Variants in CORO7 observed in about 807,000 individuals in gnomAD.
The protein encoded by CORO7 is coronin-7.
Under a neutral mutation model 126.6 loss-of-function variants are expected in CORO7, and 107 were observed. The observed-to-expected ratio is 0.85, with a 90% CI of 0.72 to 0.99. CORO7 has a LOEUF of 0.99. CORO7 is among the 50% of genes least tolerant of loss of function. The pLI, the probability that CORO7 is intolerant of heterozygous loss-of-function variation, is 0.00. For synonymous variants in CORO7, 603 were observed against 536.8 expected (o/e 1.12, Z -1.70); for missense variants, 1,314 against 1,255.8 (o/e 1.05, Z -0.70).
rs1395301868 is a variant in CORO7 at position 4,359,502 on chromosome 16, C to A, written c.2228G>T (p.Gly743Val). Residue 743 changes from glycine (G) to valine (V), a missense_variant, in exon 22 of 28, where the codon GGC (glycine) becomes GTC (valine). Gly to Val is a moderately radical substitution (Grantham distance 109). Coordinates refer to ENST00000251166, the MANE Select transcript of CORO7 (RefSeq NM_024535.5). Reference protein sequence around the residue: ...TLLPSYDPDTGLVLLTGKGDT... With the variant: ...TLLPSYDPDTVLVLLTGKGDT... ...CACCTTGCCGGTCAGGAGCACCAGG[C>A]CAGTGTCTGGGTCGTAGCTGGGCAG... 2.5e-6 allele frequency: 4 copies of A among 1,613,398 alleles called. No homozygotes were observed.
Position 4,416,549 on chromosome 16 carries a change from G to T in CORO7, c.-31C>A, listed in dbSNP as rs749385138. 1 of 1,570,154 alleles carries T rather than the reference G, an allele frequency of 6.4e-7. No individual in the cohort carries two copies. Among genetic ancestry groups the T allele is most frequent in the Admixed American group, 1.8e-5 (1 of 54,628 alleles). On this transcript the variant is annotated 5_prime_UTR_variant, in exon 1 of 28. Coordinates refer to ENST00000251166, the MANE Select transcript of CORO7 (RefSeq NM_024535.5). ...CGGGCACGGCGGCGGACGCGTCTTC[G>T]AGGACCCCGGGCGTCGGGTCTCAGG...
chr16:4,391,412 T>C (rs980740796), intron 7 of CORO7, among the ~76,000 whole-genome samples: 2 of 152,100 alleles, frequency 1.3e-5, no homozygotes, highest in South Asian at 2.1e-4. Flanking sequence ...AAAAATTAGC[T>C]GGGCATGGTG....
intron 5 of CORO7, among the ~76,000 whole-genome samples, chr16:4,405,966 C>G (rs1323366051): frequency 6.6e-6 from 1 of 152,158 alleles, no homozygotes; most frequent in Non-Finnish European, 1.5e-5. Context: ...ACTCCTGTTC[C>G]AGGTTAAATT....
intron 9 of CORO7, chr16:4,381,461 A>G (rs1159915982): frequency 6.3e-7 from 1 of 1,580,796 alleles, no homozygotes; most frequent in Non-Finnish European, 8.6e-7. Context: ...GCCAACGTGG[A>G]GGCGCTGCGG....
intron 16 of CORO7, 54 bp from the exon 17 acceptor site, chr16:4,361,523 TC>T: frequency 6.3e-7 from 1 of 1,588,612 alleles, no homozygotes; most frequent in African/African-American, 1.4e-5. Context: ...GAAAAGCCAG[TC>T]CCCAGGGGCT....
At chr16:4,367,814 C>T (rs1394288214) in intron 9 of CORO7, among the ~76,000 whole-genome samples, 1 of 151,954 alleles carries the variant, frequency 6.6e-6, no homozygotes, top group Non-Finnish European at 1.5e-5. Context: ...CAGGTGGAGG[C>T]TAGACGGGAA....
At position 4,416,559 on chromosome 16, in the gene CORO7, G is replaced by C; in HGVS notation, c.-41C>G. On this transcript the variant is annotated 5_prime_UTR_variant, in exon 1 of 28. Transcript: ENST00000251166. ...GGCGGACGCGTCTTCGAGGACCCCGGGCGTCGGGTCTCAGGTGCACGCTGA... is the reference window on the plus strand; with the variant it reads ...GGCGGACGCGTCTTCGAGGACCCCGCGCGTCGGGTCTCAGGTGCACGCTGA... 1 of 1,570,528 alleles carries C rather than the reference G, an allele frequency of 6.4e-7. No individual in the cohort carries two copies. The highest frequency in any genetic ancestry group is 2.6e-5 in the East Asian group (1 of 38,984).
intron 1 of CORO7, among the ~76,000 whole-genome samples, chr16:4,415,276 C>T (rs1214909283): frequency 6.6e-6 from 1 of 152,160 alleles, no homozygotes; most frequent in Non-Finnish European, 1.5e-5. Flanking sequence ...CCGGCCATCC[C>T]CTCCATCCAC....
intron 6 of CORO7, among the ~76,000 whole-genome samples, chr16:4,403,411 C>A (rs1022290519): frequency 6.6e-6 from 1 of 152,154 alleles, no homozygotes; most frequent in African/African-American, 2.4e-5. Context: ...CTGACAGGTG[C>A]GGCTTGGAGG....
In CORO7 at chr16:4,362,687, T is replaced by C. The variant is rs2054220631; in HGVS notation, c.1327A>G (p.Ser443Gly). The change falls in exon 15 of 28, where the codon AGC (serine) becomes GGC (glycine). Residue 443 changes from serine to glycine, a missense_variant. Ser to Gly is a moderately conservative substitution (Grantham distance 56). Transcript: ENST00000251166. This position sits in a 1 kb window ranked among gnomAD's most constrained non-coding sequence, Gnocchi z 5.3. ...SSLTSPSTPS[S>G]LGPSLSSTSG... ...GTGCTGGAGAGTGAGGGCCCCAGGC[T>C]GGAGGGCGTGGAGGGCGAGGTCAGC... The C allele has an allele frequency of 6.8e-7, 1 of 1,472,078 alleles. No homozygotes were observed. The highest frequency in any genetic ancestry group is 2.4e-5 in the Admixed American group (1 of 40,950). The allele number at this position is 1,472,078 out of a possible 1,614,324, so 91.2% of individuals were successfully genotyped here. A position where few individuals can be genotyped will look rare whatever the true frequency, so the allele number is the denominator to read the frequency against.
At chr16:4,370,391 C>T (rs545676254) in intron 9 of CORO7, among the ~76,000 whole-genome samples, 16 of 152,328 alleles carry the variant, frequency 1.1e-4, no homozygotes, top group African/African-American at 2.9e-4. Flanking sequence ...AGGGAGCAAC[C>T]GCCACTCAGC....
chr16:4,408,590 G>T (rs566340712), intron 3 of CORO7, among the ~76,000 whole-genome samples: 1 of 152,238 alleles, frequency 6.6e-6, no homozygotes, highest in African/African-American at 2.4e-5. Flanking sequence ...TTCAGTCGTG[G>T]AAGGTCCCCA....
At chr16:4,377,231 G>A (rs1432128793) in intron 9 of CORO7, among the ~76,000 whole-genome samples, 2 of 151,902 alleles carry the variant, frequency 1.3e-5, no homozygotes, top group Admixed American at 6.6e-5. Flanking sequence ...CGACGTCCCC[G>A]AATCCCAGGA....
intron 9 of CORO7, among the ~76,000 whole-genome samples, chr16:4,369,409 C>T (rs907001258): frequency 3.5e-4 from 54 of 152,226 alleles, no homozygotes; most frequent in African/African-American, 1.3e-3. Context: ...TTGCCGGCAC[C>T]TCTCCTGCTG....
At chr16:4,357,355 CTT>C (rs61391325) in intron 25 of CORO7, 96 bp from the exon 26 acceptor site, 44,071 of 702,978 alleles carry the variant, frequency 0.063, no homozygotes, top group South Asian at 0.09. Context: ...TTCTTTCTTT[CTT>C]TTTTTTTTTT....
At chr16:4,378,631 T>G (rs1009954119) in intron 9 of CORO7, among the ~76,000 whole-genome samples, 7 of 151,702 alleles carry the variant, frequency 4.6e-5, no homozygotes, top group South Asian at 2.1e-4. Context: ...CCCCCTGGGG[T>G]GGGCTGGCCG....
intron 10 of CORO7, 84 bp from the exon 11 acceptor site, chr16:4,365,144 C>A: frequency 6.5e-7 from 1 of 1,536,800 alleles, no homozygotes; most frequent in African/African-American, 1.4e-5. Flanking sequence ...CCCACAGGTC[C>A]CCAAGGACCT....
At chr16:4,402,341 G>C (rs556544010) in intron 6 of CORO7, among the ~76,000 whole-genome samples, 3 of 152,122 alleles carry the variant, frequency 2.0e-5, no homozygotes, top group Admixed American at 1.3e-4. Context: ...CTTCAGCCTC[G>C]AACTCCTGGG....
chr16:4,402,073 G>A (rs2055830707), intron 6 of CORO7, among the ~76,000 whole-genome samples: 1 of 151,940 alleles, frequency 6.6e-6, no homozygotes, highest in African/African-American at 2.4e-5. Flanking sequence ...CAAGTAGCTG[G>A]GATTACAGGT....
Sources: gnomAD v4.1 joint callset for allele counts (sites outside exome capture counted in the v4.1 genomes callset) on GRCh38, gnomAD v4.1.1 for gene constraint, Gnocchi (gnomAD v3.1) non-coding constraint, MANE v1.5 for transcripts, NCBI Gene and HGNC (gene_info 2026-07-23, HGNC 2026-07-21) for gene names.